Variants in VPS13B observed in about 807,000 individuals in gnomAD.
The protein encoded by VPS13B is intermembrane lipid transfer protein VPS13B.
VPS13B carries 285 observed loss-of-function variants against 426.4 expected under a neutral mutation model. The observed-to-expected ratio is 0.67, with a 90% CI of 0.61 to 0.74. The LOEUF is 0.74. Ranked by LOEUF, VPS13B falls within the 30% of genes least tolerant of loss-of-function variation. VPS13B has a pLI of 0.00. For missense variants in VPS13B, 4,537 were observed against 4,782.6 expected (o/e 0.95, Z 1.51); for synonymous variants, 1,676 against 1,676.4 (o/e 1.00, Z 0.01).
At chr8:99,121,550 A>G (rs1000467468) in intron 8 of VPS13B, 105 bp downstream of exon 8, 4 of 1,546,822 alleles carry the variant, frequency 2.6e-6, no homozygotes, top group Non-Finnish European at 3.5e-6. Context: ...CATTCAGTAG[A>G]TGTGAGATAG....
At chr8:99,639,889 T>C (rs1829239156) in intron 33 of VPS13B, among the ~76,000 whole-genome samples, 1 of 148,504 alleles carries the variant, frequency 6.7e-6, no homozygotes, top group African/African-American at 2.5e-5. Flanking sequence ...GAGGCTTCCT[T>C]GAGCCACCAC....
At chr8:99,233,112 TAC>T in intron 17 of VPS13B, 1 of 1,369,168 alleles carries the variant, frequency 7.3e-7, no homozygotes, top group South Asian at 1.2e-5. Flanking sequence ...TCACCTCTTG[TAC>T]AGTTTCCCTG....
intron 17 of VPS13B, among the ~76,000 whole-genome samples, chr8:99,261,706 C>T (rs1818047523): frequency 6.6e-6 from 1 of 152,140 alleles, no homozygotes; most frequent in African/African-American, 2.4e-5. Context: ...TCTGTTTCTC[C>T]ACATCCTCAC....
intron 30 of VPS13B, among the ~76,000 whole-genome samples, chr8:99,542,686 A>G (rs1348604609): frequency 1.3e-5 from 2 of 152,072 alleles, no homozygotes; most frequent in African/African-American, 4.8e-5. Context: ...TCAGGTTTGA[A>G]CCATTTTGGG....
At chr8:99,427,885 G>T (rs573639662) in intron 21 of VPS13B, among the ~76,000 whole-genome samples, 142 of 152,052 alleles carry the variant, frequency 9.3e-4, no homozygotes, top group African/African-American at 2.8e-3. Context: ...GACTTCAAAC[G>T]GTACTACAAG....
At chr8:99,234,894 C>G (rs768651867) in intron 17 of VPS13B, among the ~76,000 whole-genome samples, 27 of 151,744 alleles carry the variant, frequency 1.8e-4, no homozygotes, top group Admixed American at 5.9e-4. Flanking sequence ...GGAAGGGGAA[C>G]AAAATGATTA....
At chr8:99,068,949 T>C (rs918687795) in intron 3 of VPS13B, among the ~76,000 whole-genome samples, 1 of 152,164 alleles carries the variant, frequency 6.6e-6, no homozygotes, top group African/African-American at 2.4e-5. Flanking sequence ...TGTCTGGCCC[T>C]TTACAGAAAG....
intron 17 of VPS13B, among the ~76,000 whole-genome samples, chr8:99,206,797 G>A (rs1212250869): frequency 6.6e-6 from 1 of 152,056 alleles, no homozygotes; most frequent in East Asian, 1.9e-4. Flanking sequence ...AAAGATTGAG[G>A]TATATTGATA....
chr8:99,784,280 G>T (rs771833534), intron 42 of VPS13B, 35 bp from the exon 43 acceptor site: 8 of 1,613,224 alleles, frequency 5.0e-6, no homozygotes, highest in Non-Finnish European at 5.9e-6. Flanking sequence ...CAATTAATCC[G>T]ATCCATGTTG....
chr8:99,079,903 C>A (rs1456205240), intron 3 of VPS13B, among the ~76,000 whole-genome samples: 3 of 144,720 alleles, frequency 2.1e-5, no homozygotes, highest in Non-Finnish European at 3.0e-5. Flanking sequence ...CCATCCTGGG[C>A]AACAAGAGCG....
At chr8:99,045,491 A>T (rs1404444210) in intron 3 of VPS13B, among the ~76,000 whole-genome samples, 1 of 150,946 alleles carries the variant, frequency 6.6e-6, no homozygotes, top group Non-Finnish European at 1.5e-5. Context: ...ATTTTCTCCG[A>T]CTCTGTGGAT....
At chr8:99,640,046 GAAGAGAAAAGAAAAGAA>G (rs1333933402) in intron 33 of VPS13B, among the ~76,000 whole-genome samples, 6 of 72,752 alleles carry the variant, frequency 8.2e-5, no homozygotes, top group African/African-American at 3.5e-4. Flanking sequence ...AGAAGAAGAA[GAAGAGAAAAGAAAAGAA>G]AAGAAAAGAA....
chr8:99,390,961 T>A (rs1276652149), intron 20 of VPS13B, among the ~76,000 whole-genome samples: 1 of 152,180 alleles, frequency 6.6e-6, no homozygotes, highest in Non-Finnish European at 1.5e-5. Context: ...CAGCTTTCTC[T>A]AACTAGTTAT....
chr8:99,313,187 C>T (rs1322135582), intron 19 of VPS13B, among the ~76,000 whole-genome samples: 1 of 152,220 alleles, frequency 6.6e-6, no homozygotes, highest in African/African-American at 2.4e-5. Flanking sequence ...CGTTCTCCAT[C>T]CAGCTTTGTT....
intron 4 of VPS13B, among the ~76,000 whole-genome samples, chr8:99,099,176 A>G (rs994757100): frequency 2.0e-5 from 3 of 152,196 alleles, no homozygotes; most frequent in Non-Finnish European, 4.4e-5. Flanking sequence ...GGGCCTGTCT[A>G]TAACATTGAC....
At position 99,775,959 on chromosome 8, in the gene VPS13B, G is replaced by T. The variant is rs184545996; in HGVS notation, c.7248-816G>T. On this transcript the variant is annotated intron_variant, in intron 40 of 61. Coordinates refer to ENST00000357162, the MANE Select transcript of VPS13B (RefSeq NM_152564.5). Reference sequence around the variant, plus strand: ...AATAGTGTTAAGAGGATGGGCAAGTGAAGAGAGGACCCATGCATTGTAATT... The same window carrying T: ...AATAGTGTTAAGAGGATGGGCAAGTTAAGAGAGGACCCATGCATTGTAATT... Among the ~76,000 whole-genome samples the T allele has an allele frequency of 5.1e-4, 78 of 152,250 alleles. 1 individual carries two copies. The East Asian group carries it at 0.014, about 28-fold the overall frequency.
chr8:99,602,643 C>G (rs1329651523), intron 33 of VPS13B, among the ~76,000 whole-genome samples: 1 of 152,220 alleles, frequency 6.6e-6, no homozygotes, highest in African/African-American at 2.4e-5. Flanking sequence ...CCCATTGTCT[C>G]AGCCCAAAAT....
chr8:99,818,911 C>A (rs759935443), intron 47 of VPS13B, 23 bp downstream of exon 47: 1 of 1,346,586 alleles, frequency 7.4e-7, no homozygotes, highest in African/African-American at 1.7e-5. Flanking sequence ...TCCTTCCATA[C>A]ATTTTACATT....
chr8:99,176,421 G>A (rs1273125828), intron 16 of VPS13B, among the ~76,000 whole-genome samples: 1 of 152,136 alleles, frequency 6.6e-6, no homozygotes, highest in African/African-American at 2.4e-5. Flanking sequence ...ACAGGCATGA[G>A]CCACCGCGCC....
Sources: gnomAD v4.1 joint callset for allele counts (sites outside exome capture counted in the v4.1 genomes callset) on GRCh38, gnomAD v4.1.1 for gene constraint, MANE v1.5 for transcripts, NCBI Gene and HGNC (gene_info 2026-07-23, HGNC 2026-07-21) for gene names.